Variants in MMP16 observed in about 807,000 individuals in gnomAD.
MMP16 encodes the protein matrix metallopeptidase 16, also known as matrix metalloproteinase-16.
MMP16 carries 12 observed loss-of-function variants against 67.8 expected under a neutral mutation model. That is an observed-to-expected ratio of 0.18 (90% CI 0.11 to 0.29). The LOEUF is 0.29. Among genes scored for constraint, MMP16 ranks in the 10% least tolerant of loss-of-function variants. The pLI, the probability that MMP16 is intolerant of heterozygous loss-of-function variation, is 1.00. For synonymous variants in MMP16, 249 were observed against 255.9 expected, an observed-to-expected ratio of 0.97 and a Z score of 0.26; for missense variants, 475 against 765.7, an observed-to-expected ratio of 0.62 and a Z score of 4.48.
intron 7 of MMP16, among the ~76,000 whole-genome samples, chr8:88,072,566 C>G (rs1395892833): frequency 5.3e-5 from 8 of 152,050 alleles, no homozygotes; most frequent in Non-Finnish European, 8.8e-5. Flanking sequence ...CTGACAAGCA[C>G]AACATTCTGG....
chr8:88,201,434 C>T (rs567275595), intron 1 of MMP16, among the ~76,000 whole-genome samples: 5 of 152,090 alleles, frequency 3.3e-5, no homozygotes, highest in African/African-American at 9.6e-5. Context: ...ATCCAAAGTA[C>T]AGTACTCATA....
chr8:88,260,685 T>C (rs2129947047), intron 1 of MMP16, among the ~76,000 whole-genome samples: 1 of 152,256 alleles, frequency 6.6e-6, no homozygotes, highest in East Asian at 1.9e-4. Flanking sequence ...AAACTCAACA[T>C]TTCAACTGAT....
At chr8:88,173,494 TCTC>T (rs1348622187) in intron 3 of MMP16, among the ~76,000 whole-genome samples, 1 of 152,124 alleles carries the variant, frequency 6.6e-6, no homozygotes, top group African/African-American at 2.4e-5. Context: ...CAGGGCTAAA[TCTC>T]CTTTACTCAA....
chr8:88,309,793 A>T (rs1260039677), intron 1 of MMP16, among the ~76,000 whole-genome samples: 1 of 152,068 alleles, frequency 6.6e-6, no homozygotes, highest in Non-Finnish European at 1.5e-5. Context: ...GCAAAAGCAA[A>T]TCCATCATAT....
chr8:88,116,843 A>T, intron 5 of MMP16, 125 bp from the exon 6 acceptor site: 1 of 844,960 alleles, frequency 1.2e-6, no homozygotes, highest in Non-Finnish European at 1.8e-6. Context: ...GGTCTTTAAG[A>T]TCGTATATTT....
At chr8:88,123,736 C>G (rs934448495) in intron 4 of MMP16, among the ~76,000 whole-genome samples, 1 of 151,818 alleles carries the variant, frequency 6.6e-6, no homozygotes, top group Non-Finnish European at 1.5e-5. Context: ...GTATTTACAT[C>G]CTGGGGGCAC....
At chr8:88,306,882 C>T (rs1342955331) in intron 1 of MMP16, among the ~76,000 whole-genome samples, 2 of 152,160 alleles carry the variant, frequency 1.3e-5, no homozygotes, top group South Asian at 2.1e-4. Flanking sequence ...GACATGGATA[C>T]CCTCTTACCA....
chr8:88,274,255 T>C (rs1319774632), intron 1 of MMP16, among the ~76,000 whole-genome samples: 1 of 152,112 alleles, frequency 6.6e-6, no homozygotes, highest in African/African-American at 2.4e-5. Flanking sequence ...ACTAGAGACT[T>C]GCCTGATGAG....
chr8:88,091,328 T>C (rs77076067), intron 6 of MMP16, among the ~76,000 whole-genome samples: 313 of 151,998 alleles, frequency 2.1e-3, no homozygotes, highest in African/African-American at 7.2e-3. Flanking sequence ...CTGTTATAAC[T>C]ATTTCTTACT....
At chr8:88,075,826 C>T (rs1563524544) in intron 6 of MMP16, among the ~76,000 whole-genome samples, 1 of 151,970 alleles carries the variant, frequency 6.6e-6, no homozygotes, top group Non-Finnish European at 1.5e-5. Flanking sequence ...GCTCTTTTCA[C>T]ACAACTTACA....
intron 5 of MMP16, 139 bp from the exon 6 acceptor site, chr8:88,116,857 GA>G (rs1233919758): frequency 4.0e-6 from 3 of 744,438 alleles, no homozygotes; most frequent in Admixed American, 2.9e-5. Context: ...TATATTTTCT[GA>G]AAAAAACAAA....
At chr8:88,151,289 C>T (rs1380629230) in intron 4 of MMP16, among the ~76,000 whole-genome samples, 1 of 147,706 alleles carries the variant, frequency 6.8e-6, no homozygotes, top group African/African-American at 2.5e-5. Flanking sequence ...CCACTGTCAA[C>T]ATTAGACAGA....
intron 1 of MMP16, among the ~76,000 whole-genome samples, chr8:88,254,690 T>C (rs913265989): frequency 2.6e-5 from 4 of 151,990 alleles, no homozygotes; most frequent in Admixed American, 2.6e-4. Context: ...GTGAAGATGA[T>C]AAAAAATAAG....
intron 6 of MMP16, among the ~76,000 whole-genome samples, chr8:88,113,348 T>A (rs1224726337): frequency 6.6e-6 from 1 of 151,696 alleles, no homozygotes; most frequent in Non-Finnish European, 1.5e-5. Context: ...CCCCCAGACA[T>A]TAAAATTTAG....
intron 1 of MMP16, among the ~76,000 whole-genome samples, chr8:88,269,407 C>A (rs1810530265): frequency 6.6e-6 from 1 of 151,922 alleles, no homozygotes. Flanking sequence ...CTTCACAGAG[C>A]CATAACAAAA....
chr8:88,313,294 C>A (rs180794159), intron 1 of MMP16, among the ~76,000 whole-genome samples: 2 of 152,220 alleles, frequency 1.3e-5, no homozygotes, highest in Admixed American at 6.5e-5. Flanking sequence ...CTGAAATATT[C>A]TTTATTTTGC....
intron 1 of MMP16, among the ~76,000 whole-genome samples, chr8:88,282,824 T>C (rs1355671904): frequency 6.6e-6 from 1 of 152,204 alleles, no homozygotes; most frequent in African/African-American, 2.4e-5. Context: ...TCTATTAACA[T>C]AGGGTATTAT....
At chr8:88,261,263 T>C (rs778779749) in intron 1 of MMP16, among the ~76,000 whole-genome samples, 10 of 152,162 alleles carry the variant, frequency 6.6e-5, no homozygotes, top group Non-Finnish European at 1.5e-4. Flanking sequence ...GTACTGATTC[T>C]GGTTATTTCA....
intron 1 of MMP16, among the ~76,000 whole-genome samples, chr8:88,301,038 A>T (rs929616956): frequency 1.3e-5 from 2 of 152,234 alleles, no homozygotes; most frequent in African/African-American, 4.8e-5. Flanking sequence ...GATCACTTAA[A>T]TCTTTATTTT....
Sources: gnomAD v4.1 joint callset for allele counts (sites outside exome capture counted in the v4.1 genomes callset) on GRCh38, gnomAD v4.1.1 for gene constraint, MANE v1.5 for transcripts, NCBI Gene and HGNC (gene_info 2026-07-23, HGNC 2026-07-21) for gene names.